The following VMA21 variants were observed in gnomAD, a reference collection of about 807,000 sequenced individuals.
VMA21 encodes vacuolar ATPase assembly factor VMA21.
For synonymous variants in VMA21, 47 were observed against 34.1 expected (o/e 1.38, Z -1.32); for missense variants, 61 against 80.6 (o/e 0.76, Z 0.93).
At chrX:151,402,838 C>T (rs1243162983) in intron 1 of VMA21, among the ~76,000 whole-genome samples, 1 of 109,887 alleles carries the variant, frequency 9.1e-6, no homozygotes, top group Non-Finnish European at 1.9e-5. Flanking sequence ...GCTGGTGCGT[C>T]GGCTCCACCT....
rs1569365221 is a variant in VMA21 at position 151,397,375 on chromosome X, G to C, written c.53+14G>C. ...TCCTGAGTTCAGGTAGCCCTGAGCG[G>C]GGCCTGGACCGCGAGGCGGACTGGC... On this transcript the variant is annotated intron_variant, in intron 1 of 2. Transcript: ENST00000330374. The C allele has an allele frequency of 1.7e-6, 2 of 1,159,147 alleles. No individual in the cohort carries two copies. The highest frequency in any genetic ancestry group is 6.5e-5 in the East Asian group (2 of 30,618).
chrX:151,399,208 G>A (rs1016820111), intron 1 of VMA21, among the ~76,000 whole-genome samples: 1 of 112,392 alleles, frequency 8.9e-6, no homozygotes, highest in Non-Finnish European at 1.9e-5. Flanking sequence ...AAAGAGAGAA[G>A]TGAGAAGGAA....
intron 1 of VMA21, among the ~76,000 whole-genome samples, chrX:151,402,581 G>A (rs1033821337): frequency 3.5e-5 from 4 of 113,040 alleles, no homozygotes; most frequent in Non-Finnish European, 7.5e-5. Flanking sequence ...GTGTCTGTCT[G>A]GCTTAGGTAT....
At position 151,407,633 on chromosome X, in the gene VMA21, A is replaced by T. The variant is rs1169649864; in HGVS notation, c.*2575A>T. ...TACTGATTTAACCCTATTTACGGTA[A>T]CACATTACCTTCCTCACCTCCTGTT... On this transcript the variant is annotated 3_prime_UTR_variant, in exon 3 of 3. Transcript: ENST00000330374. The T allele has an allele frequency of 8.9e-6, 1 of 112,221 alleles. No homozygotes were observed. 9.2% of individuals were successfully genotyped at this position (112,221 alleles called of 1,213,427 possible).
intron 1 of VMA21, among the ~76,000 whole-genome samples, chrX:151,400,757 A>G (rs145018366): frequency 8.9e-6 from 1 of 112,161 alleles, no homozygotes; most frequent in East Asian, 2.8e-4. Flanking sequence ...GTGAGGTTAT[A>G]TCTCATAGTG....
intron 1 of VMA21, among the ~76,000 whole-genome samples, chrX:151,402,808 A>G (rs1485125872): frequency 9.1e-6 from 1 of 110,093 alleles, no homozygotes; most frequent in East Asian, 2.9e-4. Context: ...CAAAGCTCTG[A>G]TCCCAGTGGG....
At chrX:151,398,242 TATAGGTAAA>T (rs775148826) in intron 1 of VMA21, among the ~76,000 whole-genome samples, 147 of 106,514 alleles carry the variant, frequency 1.4e-3, no homozygotes, top group African/African-American at 4.9e-3. Flanking sequence ...AGGTTTGTTA[TATAGGTAAA>T]CTGCATGTCA....
At chrX:151,401,507 T>G (rs1445718261) in intron 1 of VMA21, among the ~76,000 whole-genome samples, 1 of 112,227 alleles carries the variant, frequency 8.9e-6, no homozygotes, top group East Asian at 2.8e-4. Context: ...TTTGTGGTTC[T>G]GTATGATGAA....
Position 151,397,344 on chromosome X carries a change from G to A in VMA21, c.36G>A (p.Leu12=). Residue 12 remains leucine (L), a synonymous_variant, in exon 1 of 3, where the codon CTG becomes CTA. Transcript: ENST00000330374. ...CGGATAAGGCGGCGCTGAACGCACTGCAGCCTCCTGAGTTCAGGTAGCCCT... is the reference window on the plus strand; with the variant it reads ...CGGATAAGGCGGCGCTGAACGCACTACAGCCTCCTGAGTTCAGGTAGCCCT... ...ERPDKAALNA[L]QPPEFRNESS... 8.6e-7 allele frequency: 1 copy of A among 1,162,705 alleles called. No homozygotes were observed. The highest frequency in any genetic ancestry group is 1.9e-5 in the South Asian group (1 of 52,740).
chrX:151,399,592 A>G (rs1390132902), intron 1 of VMA21, among the ~76,000 whole-genome samples: 1 of 111,761 alleles, frequency 8.9e-6, no homozygotes, highest in Non-Finnish European at 1.9e-5. Context: ...TATTTTTTGT[A>G]GATTCTCCAC....
intron 1 of VMA21, 65 bp downstream of exon 1, chrX:151,397,426 A>G: frequency 8.9e-7 from 1 of 1,119,577 alleles, no homozygotes; most frequent in South Asian, 2.0e-5. Context: ...GGCTTGAGGG[A>G]AGGCCCTAGC....
At chrX:151,404,610 C>G (rs781695701) in intron 2 of VMA21, among the ~76,000 whole-genome samples, 1 of 109,326 alleles carries the variant, frequency 9.1e-6, no homozygotes, top group Admixed American at 9.7e-5. Flanking sequence ...TTAGTAGAGA[C>G]GGGGTTTCAC....
chrX:151,397,056 C>G, upstream of VMA21: 1 of 490,099 alleles, frequency 2.0e-6, no homozygotes, highest in Non-Finnish European at 3.7e-6. Flanking sequence ...GAGCCACCGC[C>G]GGTAAGTCAT....
At chrX:151,404,655 C>T (rs1253499189) in intron 2 of VMA21, among the ~76,000 whole-genome samples, 1 of 104,801 alleles carries the variant, frequency 9.5e-6, no homozygotes, top group African/African-American at 3.5e-5. Flanking sequence ...CTCCTGACCT[C>T]GTGATCTGCC....
intron 1 of VMA21, among the ~76,000 whole-genome samples, chrX:151,397,622 C>G (rs2011204545): frequency 9.3e-6 from 1 of 108,038 alleles, no homozygotes; most frequent in South Asian, 3.7e-4. Context: ...AGCACTTTCT[C>G]TCGCTGTGTC....
intron 1 of VMA21, 72 bp downstream of exon 1, chrX:151,397,433 T>G: frequency 9.2e-7 from 1 of 1,089,577 alleles, no homozygotes; most frequent in East Asian, 3.3e-5. Context: ...GGGAAGGCCC[T>G]AGCTGAATGG....
intron 1 of VMA21, 119 bp from the exon 2 acceptor site, chrX:151,403,512 G>T: frequency 1.7e-6 from 1 of 586,508 alleles, no homozygotes. Context: ...ACGAGTCCCT[G>T]CCTGTGATCT....
upstream of VMA21, chrX:151,396,900 T>A (rs961139563): frequency 5.8e-6 from 3 of 521,727 alleles, no homozygotes; most frequent in African/African-American, 7.0e-5. Flanking sequence ...GGACCAGTGT[T>A]CACGCGAGTT....
chrX:151,400,667 G>C (rs1467946052), intron 1 of VMA21, among the ~76,000 whole-genome samples: 1 of 112,256 alleles, frequency 8.9e-6, no homozygotes, highest in Non-Finnish European at 1.9e-5. Flanking sequence ...CAGTCACAAT[G>C]TAGTAGGGTT....
Sources: allele counts gnomAD v4.1 joint callset (sites outside exome capture counted in the v4.1 genomes callset), GRCh38; gene constraint gnomAD v4.1.1; transcripts MANE v1.5; gene names NCBI Gene and HGNC (gene_info 2026-07-23, HGNC 2026-07-21).